The following MECOM variants were observed in gnomAD, a reference collection of about 807,000 sequenced individuals.
The protein encoded by MECOM is MDS1 and EVI1 complex locus.
MECOM carries 13 observed loss-of-function variants against 116.3 expected under a neutral mutation model. The ratio of observed to expected loss-of-function variants is 0.11; its 90% CI spans 0.07 to 0.18. The LOEUF (loss-of-function observed/expected upper bound fraction) is 0.18, where lower values mean the gene tolerates loss of function less well. Among genes scored for constraint, MECOM ranks in the 10% least tolerant of loss-of-function variants. The pLI is 1.00. For missense variants in MECOM, 1,299 were observed against 1,509.0 expected (o/e 0.86, Z 2.31); for synonymous variants, 528 against 535.2 (o/e 0.99, Z 0.19).
intron 1 of MECOM, among the ~76,000 whole-genome samples, chr3:169,533,818 A>G (rs1758984647): frequency 6.6e-6 from 1 of 152,120 alleles, no homozygotes; most frequent in South Asian, 2.1e-4. Context: ...TCTCTCTCCA[A>G]GTCCCAGAGC....
intron 1 of MECOM, among the ~76,000 whole-genome samples, chr3:169,515,865 CT>C (rs1234565859): frequency 6.6e-6 from 1 of 152,162 alleles, no homozygotes; most frequent in Non-Finnish European, 1.5e-5. Flanking sequence ...TTGCATAGTA[CT>C]TTTCCACTGA....
chr3:169,523,068 G>A (rs924541929), intron 1 of MECOM, among the ~76,000 whole-genome samples: 1 of 152,088 alleles, frequency 6.6e-6, no homozygotes, highest in African/African-American at 2.4e-5. Context: ...TTAAAATTAA[G>A]GTCAGCCCAG....
chr3:169,109,563 T>A (rs752890279), intron 9 of MECOM, among the ~76,000 whole-genome samples: 1 of 152,072 alleles, frequency 6.6e-6, no homozygotes, highest in African/African-American at 2.4e-5. Flanking sequence ...TACAGGCATG[T>A]GCTACCACGC....
chr3:169,643,045 A>G (rs1486073623), intron 1 of MECOM, among the ~76,000 whole-genome samples: 1 of 152,230 alleles, frequency 6.6e-6, no homozygotes, highest in Non-Finnish European at 1.5e-5. Context: ...AAGGAGAGCA[A>G]AAAATATCTA....
At chr3:169,472,869 A>C in intron 1 of MECOM, 1 of 552,500 alleles carries the variant, frequency 1.8e-6, no homozygotes, top group Non-Finnish European at 2.3e-6. Flanking sequence ...CAAGGTCTTA[A>C]TGACTGCTTA....
At chr3:169,298,662 A>G (rs1191943019) in intron 2 of MECOM, among the ~76,000 whole-genome samples, 1 of 152,192 alleles carries the variant, frequency 6.6e-6, no homozygotes, top group Non-Finnish European at 1.5e-5. Context: ...ATTCAATCAC[A>G]AGAAGACTTG....
rs12491198 is a variant in MECOM at position 169,629,844 on chromosome 3, C to T, written c.37+33492G>A. 9.9e-3 allele frequency among the ~76,000 whole-genome samples: 1,512 copies of T among 152,306 alleles called. 4 individuals are homozygous for T. Among genetic ancestry groups the T allele is most frequent in the Middle Eastern group, 0.02 (6 of 294 alleles). On this transcript the variant is annotated intron_variant, in intron 1 of 16. Coordinates refer to ENST00000651503, the MANE Select transcript of MECOM (RefSeq NM_004991.4). ...AGTTCACTGCCCAGAGTGGAGTTAA[C>T]GGGGACACACTTCACCACCTCAACA...
chr3:169,619,633 G>T (rs1443443340), intron 1 of MECOM, among the ~76,000 whole-genome samples: 1 of 151,988 alleles, frequency 6.6e-6, no homozygotes, highest in Non-Finnish European at 1.5e-5. Flanking sequence ...CCCTTACCTT[G>T]TTGACTGGGC....
chr3:169,373,359 A>G (rs781620906), intron 2 of MECOM, among the ~76,000 whole-genome samples: 11 of 152,012 alleles, frequency 7.2e-5, no homozygotes, highest in Non-Finnish European at 1.0e-4. Flanking sequence ...TTTCTCTAAC[A>G]TATAAACAAA....
At chr3:169,600,150 T>C (rs1038939455) in intron 1 of MECOM, among the ~76,000 whole-genome samples, 2 of 152,076 alleles carry the variant, frequency 1.3e-5, no homozygotes, top group African/African-American at 4.8e-5. Flanking sequence ...TTTTGTATTT[T>C]TAGTAGAAGC....
intron 2 of MECOM, among the ~76,000 whole-genome samples, chr3:169,322,977 A>G (rs1721155255): frequency 7.6e-6 from 1 of 131,830 alleles, no homozygotes; most frequent in Admixed American, 8.8e-5. Flanking sequence ...TCCAGCCTGC[A>G]TGACAGAGCA....
chr3:169,271,150 G>A (rs922464418), intron 2 of MECOM, among the ~76,000 whole-genome samples: 2 of 152,242 alleles, frequency 1.3e-5, no homozygotes, highest in African/African-American at 2.4e-5. Flanking sequence ...TCCTGAGTAT[G>A]CATCAAACTC....
intron 2 of MECOM, among the ~76,000 whole-genome samples, chr3:169,353,373 A>G (rs1360701121): frequency 1.3e-5 from 2 of 151,958 alleles, no homozygotes; most frequent in Non-Finnish European, 2.9e-5. Context: ...TTAATTATTA[A>G]TAACAATTAA....
At chr3:169,351,887 C>A (rs983781222) in intron 2 of MECOM, among the ~76,000 whole-genome samples, 2 of 151,848 alleles carry the variant, frequency 1.3e-5, no homozygotes, top group Admixed American at 1.3e-4. Flanking sequence ...CCCTTCAATG[C>A]CCCACCTCTT....
At chr3:169,395,081 C>T (rs1350526451) in intron 1 of MECOM, among the ~76,000 whole-genome samples, 1 of 152,126 alleles carries the variant, frequency 6.6e-6, no homozygotes, top group Non-Finnish European at 1.5e-5. Flanking sequence ...ACAACTGCAA[C>T]AAAGTTGCAT....
intron 1 of MECOM, among the ~76,000 whole-genome samples, chr3:169,545,259 G>C: frequency 6.6e-6 from 1 of 151,998 alleles, no homozygotes; most frequent in African/African-American, 2.4e-5. Context: ...TTACATAATA[G>C]GCACTCTGCT....
chr3:169,274,956 T>G (rs1759406415), intron 2 of MECOM, among the ~76,000 whole-genome samples: 2 of 152,216 alleles, frequency 1.3e-5, no homozygotes, highest in South Asian at 4.1e-4. Flanking sequence ...AGTGGCATAT[T>G]TAAACCATAA....
chr3:169,089,236 T>A (rs774736446), intron 15 of MECOM, 53 bp from the exon 16 acceptor site: 13 of 1,301,634 alleles, frequency 1.0e-5, no homozygotes, highest in Non-Finnish European at 1.2e-5. Context: ...TGTTATCTAA[T>A]CAAATCACTT....
At position 169,199,962 on chromosome 3, in the gene MECOM, T is replaced by A. The variant is rs149567390; in HGVS notation, c.376-56130A>T. ...TGGAAAGCCATCCATTTAAGAAGCATACAACTCTGCTTATGTTTTTAAAGA... is the reference window on the plus strand; with the variant it reads ...TGGAAAGCCATCCATTTAAGAAGCAAACAACTCTGCTTATGTTTTTAAAGA... On this transcript the variant is annotated intron_variant, in intron 2 of 16. Coordinates refer to ENST00000651503, the MANE Select transcript of MECOM (RefSeq NM_004991.4). Among the ~76,000 whole-genome samples, 356 of 152,190 alleles carry A rather than the reference T, an allele frequency of 2.3e-3. 3 individuals carry two copies. The highest frequency in any genetic ancestry group is 8.4e-3 in the African/African-American group (349 of 41,540).
Sources: gnomAD v4.1 joint callset for allele counts (sites outside exome capture counted in the v4.1 genomes callset) on GRCh38, gnomAD v4.1.1 for gene constraint, MANE v1.5 for transcripts, NCBI Gene and HGNC (gene_info 2026-07-23, HGNC 2026-07-21) for gene names.